FSTL5: variants seen among roughly 807,000 people sequenced by gnomAD.
FSTL5 encodes the protein follistatin like 5.
In FSTL5, 62 loss-of-function variants were observed where a neutral mutation model predicts 89.1. That is an observed-to-expected ratio of 0.70 (90% CI 0.57 to 0.86). The LOEUF (loss-of-function observed/expected upper bound fraction) is 0.86. FSTL5 is among the 40% of genes least tolerant of loss of function. FSTL5 has a pLI of 0.00. For synonymous variants in FSTL5, 383 were observed against 346.2 expected (o/e 1.11, Z -1.18); for missense variants, 1,057 against 1,001.6 (o/e 1.06, Z -0.75).
chr4:161,412,461 A>G (rs4597780), intron 15 of FSTL5, among the ~76,000 whole-genome samples: 85,126 of 151,590 alleles, frequency 0.56, 24,194 homozygotes, highest in East Asian at 0.77. Flanking sequence ...GAGAACACTT[A>G]GACACAGGGT....
At position 161,510,411 on chromosome 4, in the gene FSTL5, T is replaced by A. The variant is rs748020251; in HGVS notation, c.1326A>T (p.Leu442Phe). The A allele has an allele frequency of 6.5e-7, 1 of 1,540,204 alleles. No individual in the cohort carries two copies. The highest frequency in any genetic ancestry group is 1.2e-5 in the South Asian group (1 of 80,004). The change falls in exon 11 of 16, where the codon TTA becomes TTT. Residue 442 changes from leucine (L) to phenylalanine (F), a missense_variant. Around this residue, in one of 3 missense-constraint regions of FSTL5, gnomAD observed 980 missense variants for 903.2 expected, o/e 1.08. Transcript: ENST00000306100. Reference protein sequence around the residue: ...DSARKTLANILWREEGLGIGN... With the variant: ...DSARKTLANIFWREEGLGIGN... ...TCAACTTAGTACCTTCTTCTCTCCA[T>A]AATATGTTAGCTACTGCAGCATGTT...
At chr4:161,912,682 G>T (rs1039842660) in intron 4 of FSTL5, among the ~76,000 whole-genome samples, 16 of 152,156 alleles carry the variant, frequency 1.1e-4, no homozygotes, top group African/African-American at 3.6e-4. Context: ...CAGTAGAGTA[G>T]TGCATGGCTG....
intron 7 of FSTL5, among the ~76,000 whole-genome samples, chr4:161,614,995 A>G (rs566426085): frequency 6.6e-6 from 1 of 152,066 alleles, no homozygotes; most frequent in Non-Finnish European, 1.5e-5. Context: ...CAGAACATGT[A>G]AAGAAATAAA....
At chr4:161,723,111 T>A (rs1739270834) in intron 6 of FSTL5, among the ~76,000 whole-genome samples, 1 of 152,146 alleles carries the variant, frequency 6.6e-6, no homozygotes, top group South Asian at 2.1e-4. Flanking sequence ...ATTTAAGGAA[T>A]TTTTTTGCCT....
chr4:161,860,139 T>G (rs1726812712), intron 4 of FSTL5, among the ~76,000 whole-genome samples: 1 of 151,888 alleles, frequency 6.6e-6, no homozygotes, highest in Non-Finnish European at 1.5e-5. Context: ...ATACAAAAAA[T>G]TAGCCGGGCG....
chr4:162,047,387 T>C (rs974844601), intron 2 of FSTL5: 2 of 152,104 alleles, frequency 1.3e-5, no homozygotes, highest in Non-Finnish European at 2.9e-5. Flanking sequence ...CCAAAAATCA[T>C]GGTCTAGTTT....
At chr4:161,696,692 C>A (rs1738183247) in intron 6 of FSTL5, among the ~76,000 whole-genome samples, 1 of 151,882 alleles carries the variant, frequency 6.6e-6, no homozygotes, top group African/African-American at 2.4e-5. Context: ...TTCCTAAATA[C>A]TTTATATTTT....
chr4:161,676,747 G>A (rs886238336), intron 6 of FSTL5, among the ~76,000 whole-genome samples: 64 of 143,346 alleles, frequency 4.5e-4, no homozygotes, highest in African/African-American at 1.5e-3. Flanking sequence ...ATACATACAC[G>A]CACACACACA....
At chr4:162,068,765 G>T (rs1695271253) in intron 2 of FSTL5, among the ~76,000 whole-genome samples, 1 of 151,700 alleles carries the variant, frequency 6.6e-6, no homozygotes, top group Non-Finnish European at 1.5e-5. Context: ...AACTTACAGA[G>T]TGGGAGAAAA....
chr4:161,642,825 G>A (rs904923442), intron 7 of FSTL5, among the ~76,000 whole-genome samples: 1 of 152,012 alleles, frequency 6.6e-6, no homozygotes, highest in African/African-American at 2.4e-5. Flanking sequence ...GTGTTTCATG[G>A]GTATAAAGCT....
chr4:161,983,437 A>G (rs1735880617), intron 3 of FSTL5, among the ~76,000 whole-genome samples: 1 of 152,206 alleles, frequency 6.6e-6, no homozygotes, highest in South Asian at 2.1e-4. Context: ...TAAGGACGAA[A>G]GCAGAAATAC....
At chr4:161,894,970 T>C (rs976201770) in intron 4 of FSTL5, among the ~76,000 whole-genome samples, 8 of 152,228 alleles carry the variant, frequency 5.3e-5, no homozygotes, top group African/African-American at 1.9e-4. Flanking sequence ...ATAATAGCTA[T>C]CATACACATG....
At chr4:161,853,642 T>C (rs1731631268) in intron 4 of FSTL5, among the ~76,000 whole-genome samples, 1 of 152,188 alleles carries the variant, frequency 6.6e-6, no homozygotes, top group Admixed American at 6.5e-5. Context: ...TGGATACATG[T>C]TTGCTTCTGC....
At chr4:161,750,691 T>C (rs1740363212) in intron 6 of FSTL5, among the ~76,000 whole-genome samples, 1 of 152,144 alleles carries the variant, frequency 6.6e-6, no homozygotes, top group South Asian at 2.1e-4. Flanking sequence ...TAAAAGATGA[T>C]ATTCATTTGC....
chr4:161,785,697 G>A (rs1006666076), intron 4 of FSTL5, among the ~76,000 whole-genome samples: 1 of 152,130 alleles, frequency 6.6e-6, no homozygotes, highest in Non-Finnish European at 1.5e-5. Flanking sequence ...TAGGAATATA[G>A]TACTCTTCCT....
chr4:161,783,172 T>C (rs1741731827), intron 4 of FSTL5, among the ~76,000 whole-genome samples: 1 of 152,170 alleles, frequency 6.6e-6, no homozygotes, highest in African/African-American at 2.4e-5. Flanking sequence ...CCCCCAAAAA[T>C]ACAATTTAAC....
chr4:162,159,796 A>G (rs974479577), intron 1 of FSTL5, among the ~76,000 whole-genome samples: 9 of 151,960 alleles, frequency 5.9e-5, no homozygotes, highest in African/African-American at 2.2e-4. Context: ...TTCATTATGC[A>G]CACATCCATT....
At chr4:161,890,685 C>T (rs11936724) in intron 4 of FSTL5, among the ~76,000 whole-genome samples, 9 of 33,758 alleles carry the variant, frequency 2.7e-4, no homozygotes, top group South Asian at 1.1e-3. Context: ...AAGACTCTGT[C>T]TAAAAAAAAA....
intron 7 of FSTL5, among the ~76,000 whole-genome samples, chr4:161,631,967 C>T (rs1372581120): frequency 6.6e-6 from 1 of 152,126 alleles, no homozygotes; most frequent in Non-Finnish European, 1.5e-5. Context: ...TTTAGAAGTA[C>T]ACTGAAGCTA....
Sources: allele counts gnomAD v4.1 joint callset (sites outside exome capture counted in the v4.1 genomes callset), GRCh38; gene constraint gnomAD v4.1.1; regional missense constraint gnomAD v4.1.1; transcripts MANE v1.5; gene names NCBI Gene and HGNC (gene_info 2026-07-23, HGNC 2026-07-21).